KLHL14: variants seen among roughly 807,000 people sequenced by gnomAD.
KLHL14 encodes the protein kelch like family member 14.
In KLHL14, 22 loss-of-function variants were observed where a neutral mutation model predicts 64.3. The ratio of observed to expected loss-of-function variants is 0.34; its 90% confidence interval spans 0.24 to 0.49. The LOEUF is 0.49. Ranked by LOEUF, KLHL14 falls within the 20% of genes least tolerant of loss-of-function variation. The pLI is 0.99. For missense variants in KLHL14, 661 were observed against 789.0 expected (o/e 0.84, Z 1.94); for synonymous variants, 322 against 333.4 (o/e 0.97, Z 0.37).
rs1179876185 is a variant in KLHL14, at chr18:32,695,454, A to G, written c.1159+9T>C. On this transcript the variant is annotated intron_variant, in intron 4 of 8. Transcript: ENST00000359358. Reference sequence around the variant, plus strand: ...TTGAGCACCTCCAATTAAGTTGTTCAATAGTTACCATTCGGATTCCACTGG... The same window carrying G: ...TTGAGCACCTCCAATTAAGTTGTTCGATAGTTACCATTCGGATTCCACTGG... The G allele has an allele frequency of 1.9e-6, 3 of 1,581,532 alleles. No homozygotes were observed.
Position 32,770,012 on chromosome 18 carries a change from C to T in KLHL14, c.580G>A (p.Ala194Thr), listed in dbSNP as rs1380190193. ...QNYKQVCKIAALHGLEETKKL... is the reference protein window; with the variant it reads ...QNYKQVCKIATLHGLEETKKL... ...TTGGTCTCCTCCAGGCCGTGCAGCG[C>T]GGCGATCTTGCACACCTGCTTGTAG... The change falls in exon 2 of 9, where the codon GCG (alanine) becomes ACG (threonine). Residue 194 changes from alanine to threonine, a missense_variant. By Grantham distance (58) the Ala-to-Thr change is moderately conservative (BLOSUM62 0). Around this residue, in one of 2 missense-constraint regions of KLHL14, gnomAD observed 331 missense variants for 339.0 expected, o/e 0.98. Transcript: ENST00000359358. This position sits in a 1 kb window ranked among gnomAD's most constrained non-coding sequence, Gnocchi z 6.7. 2 of 1,613,994 alleles carry T rather than the reference C, an allele frequency of 1.2e-6. No individual in the cohort carries two copies. Among genetic ancestry groups the T allele is most frequent in the Non-Finnish European group, 1.7e-6 (2 of 1,179,976 alleles).
Position 32,695,341 on chromosome 18 carries a change from T to C in KLHL14, c.1159+122A>G, listed in dbSNP as rs1007308879. 4.4e-6 allele frequency: 3 copies of C among 685,334 alleles called. No homozygotes were observed. In the African/African-American group the frequency reaches 5.3e-5, roughly 12 times the overall value. The allele number at this position is 685,334 out of a possible 1,614,324, so 42.5% of individuals were successfully genotyped here. A position where few individuals can be genotyped will look rare whatever the true frequency, so the allele number is the denominator to read the frequency against. ...ATTGTCAGCCCCATCTCCTTACTACTTCATTTGTCCCCGTTGCACAGAAAT... is the reference window on the plus strand; with the variant it reads ...ATTGTCAGCCCCATCTCCTTACTACCTCATTTGTCCCCGTTGCACAGAAAT... On this transcript the variant is annotated intron_variant, in intron 4 of 8. Coordinates refer to ENST00000359358, the MANE Select transcript of KLHL14 (RefSeq NM_020805.3).
intron 2 of KLHL14, among the ~76,000 whole-genome samples, chr18:32,755,266 C>G (rs1183272887): frequency 1.3e-5 from 2 of 152,154 alleles, no homozygotes; most frequent in African/African-American, 4.8e-5. Context: ...AAGACCCACC[C>G]AATCAGCTAA....
chr18:32,678,930 T>A (rs1340123701), intron 7 of KLHL14, among the ~76,000 whole-genome samples: 1 of 152,146 alleles, frequency 6.6e-6, no homozygotes, highest in African/African-American at 2.4e-5. Flanking sequence ...TTAGACAATA[T>A]CTTGTGCAAA....
At chr18:32,745,694 C>T (rs1057505181) in intron 2 of KLHL14, 6 of 152,152 alleles carry the variant, frequency 3.9e-5, no homozygotes, top group Admixed American at 1.3e-4. Flanking sequence ...AAGCAATACA[C>T]GTGAATAATT....
chr18:32,770,822 G>T lies in KLHL14; in HGVS notation c.-43-188C>A. 4.0e-6 allele frequency: 2 copies of T among 497,038 alleles called. No individual in the cohort carries two copies. Among genetic ancestry groups the T allele is most frequent in the Non-Finnish European group, 7.1e-6 (2 of 281,824 alleles). 30.8% of individuals were successfully genotyped at this position (497,038 alleles called of 1,614,324 possible). ...AGGAAAGTCCGAAGACGCTGGATCC[G>T]TGAGCGCCACCAGAAGGGCCCTGTC... On this transcript the variant is annotated intron_variant, in intron 1 of 8. Transcript: ENST00000359358. The surrounding 1 kb of genome is among the most constrained non-coding windows in gnomAD (Gnocchi z 6.7).
chr18:32,746,137 C>A (rs1336072028), intron 2 of KLHL14, among the ~76,000 whole-genome samples: 1 of 152,188 alleles, frequency 6.6e-6, no homozygotes, highest in Non-Finnish European at 1.5e-5. Flanking sequence ...ATACTCCTTT[C>A]ACTCTTCATT....
chr18:32,697,807 C>A (rs1320619928), intron 3 of KLHL14, among the ~76,000 whole-genome samples: 1 of 152,156 alleles, frequency 6.6e-6, no homozygotes, highest in African/African-American at 2.4e-5. Context: ...AACTATTGAA[C>A]TCTTCAAAAT....
At chr18:32,747,263 GGTTT>G (rs2050228316) in intron 2 of KLHL14, among the ~76,000 whole-genome samples, 4 of 152,064 alleles carry the variant, frequency 2.6e-5, no homozygotes, top group African/African-American at 9.7e-5. Context: ...CCAGAGGGAT[GGTTT>G]CAGGATGATT....
chr18:32,747,601 G>A (rs2050230109), intron 2 of KLHL14, among the ~76,000 whole-genome samples: 1 of 152,198 alleles, frequency 6.6e-6, no homozygotes, highest in African/African-American at 2.4e-5. Context: ...GTGATAGAGA[G>A]CAGCTGTAAA....
At chr18:32,726,635 A>G (rs1425692209) in intron 3 of KLHL14, among the ~76,000 whole-genome samples, 1 of 150,832 alleles carries the variant, frequency 6.6e-6, no homozygotes, top group African/African-American at 2.5e-5. Context: ...ATAAATAAAT[A>G]AATAAATAAA....
intron 2 of KLHL14, among the ~76,000 whole-genome samples, chr18:32,769,139 A>G (rs561872166): frequency 6.6e-6 from 1 of 152,254 alleles, no homozygotes; most frequent in Non-Finnish European, 1.5e-5. Flanking sequence ...AAACAACTTG[A>G]GTGTGTGACG....
At chr18:32,753,068 T>C (rs1207312896) in intron 2 of KLHL14, among the ~76,000 whole-genome samples, 3 of 152,034 alleles carry the variant, frequency 2.0e-5, no homozygotes, top group African/African-American at 7.2e-5. Context: ...TAAGCAATTA[T>C]ATTTACTAAA....
rs776372745 is a variant in KLHL14, at chr18:32,680,302, G to C, written c.1455C>G (p.Val485=). ...ISGGVHNGEY[V]PWLYCYDPVM... is the part of the protein sequence containing the mutation. ...CTGGGTCATAGCAATATAGCCATGG[G>C]ACATATTCTCCATTGTGTACACCCC... The change falls in exon 7 of 9, where the codon GTC becomes GTG. Residue 485 remains valine (V), a synonymous_variant. Coordinates refer to ENST00000359358, the MANE Select transcript of KLHL14 (RefSeq NM_020805.3). The surrounding 1 kb of genome is among the most constrained non-coding windows in gnomAD (Gnocchi z 4.8). 6.2e-7 allele frequency: 1 copy of C among 1,613,882 alleles called. No individual in the cohort carries two copies. Among genetic ancestry groups the C allele is most frequent in the Admixed American group, 1.7e-5 (1 of 59,994 alleles).
chr18:32,758,696 C>T (rs760557929), intron 2 of KLHL14, among the ~76,000 whole-genome samples: 5 of 152,082 alleles, frequency 3.3e-5, no homozygotes, highest in East Asian at 1.9e-4. Context: ...ACAACCCACA[C>T]GTCCATGGAT....
chr18:32,719,500 T>A (rs2050065153), intron 3 of KLHL14, among the ~76,000 whole-genome samples: 1 of 152,204 alleles, frequency 6.6e-6, no homozygotes, highest in Non-Finnish European at 1.5e-5. Context: ...TTTATATACG[T>A]CAAACAAGTT....
At chr18:32,686,100 C>A (rs1406159544) in intron 5 of KLHL14, among the ~76,000 whole-genome samples, 2 of 150,964 alleles carry the variant, frequency 1.3e-5, no homozygotes, top group Non-Finnish European at 2.9e-5. Context: ...CAACCTCTGC[C>A]CTCTGAGTTT....
In KLHL14 at chr18:32,679,232, T is replaced by A. The variant is rs151062213; in HGVS notation, c.1588+937A>T. Among the ~76,000 whole-genome samples the A allele has an allele frequency of 2.0e-4, 30 of 152,260 alleles. No individual in the cohort carries two copies. The East Asian group carries it at 5.6e-3, about 28-fold the overall frequency. The stretch of plus-strand genomic sequence containing the variant: ...TTACACCTGTTCAGGCTTTATTTCA[T>A]CTACAGGTAAATATGTATTAGGAAA... On this transcript the variant is annotated intron_variant, in intron 7 of 8. Transcript: ENST00000359358.
chr18:32,748,074 G>C (rs969049196), intron 2 of KLHL14, among the ~76,000 whole-genome samples: 105 of 152,316 alleles, frequency 6.9e-4, no homozygotes, highest in African/African-American at 2.4e-3. Flanking sequence ...CCCTAGTGGG[G>C]ACATCTATGG....
Sources: gnomAD v4.1 joint callset for allele counts (sites outside exome capture counted in the v4.1 genomes callset) on GRCh38, gnomAD v4.1.1 for gene constraint, gnomAD v4.1.1 regional missense constraint, Gnocchi (gnomAD v3.1) non-coding constraint, MANE v1.5 for transcripts, NCBI Gene and HGNC (gene_info 2026-07-23, HGNC 2026-07-21) for gene names.